ARPC1A: variants seen among roughly 807,000 people sequenced by gnomAD.
The protein encoded by ARPC1A is actin-related protein 2/3 complex subunit 1A.
A neutral mutation model predicts 46.9 loss-of-function variants in ARPC1A; 8 were observed. That is an observed-to-expected ratio of 0.17 (90% confidence interval 0.10 to 0.31). The LOEUF (loss-of-function observed/expected upper bound fraction) is 0.31. Among genes scored for constraint, ARPC1A ranks in the 10% least tolerant of loss-of-function variants. The probability of loss-of-function intolerance (pLI) is 1.00; values close to 1 mark genes in which losing one functional copy is unlikely to be tolerated. For synonymous variants in ARPC1A, 152 were observed against 169.0 expected, an observed-to-expected ratio of 0.90 and a Z score of 0.78; for missense variants, 286 against 483.6, an observed-to-expected ratio of 0.59 and a Z score of 3.83.
intron 1 of ARPC1A, among the ~76,000 whole-genome samples, chr7:99,328,292 C>T (rs1793084145): frequency 1.3e-5 from 2 of 152,130 alleles, no homozygotes; most frequent in South Asian, 2.1e-4. Context: ...TCGCTTGAAC[C>T]CGGGAGACGG....
chr7:99,349,216 A>G (rs1793510027), intron 5 of ARPC1A, among the ~76,000 whole-genome samples: 3 of 151,928 alleles, frequency 2.0e-5, no homozygotes. Flanking sequence ...ACACCTGGCT[A>G]ATTTTTTTAA....
intron 1 of ARPC1A, among the ~76,000 whole-genome samples, chr7:99,331,935 A>G (rs1412758582): frequency 6.6e-6 from 1 of 152,164 alleles, no homozygotes; most frequent in Non-Finnish European, 1.5e-5. Flanking sequence ...AAGAAATTAT[A>G]TTATAATCAA....
At chr7:99,352,140 C>A (rs763526277) in intron 5 of ARPC1A, among the ~76,000 whole-genome samples, 1 of 152,154 alleles carries the variant, frequency 6.6e-6, no homozygotes, top group Non-Finnish European at 1.5e-5. Flanking sequence ...TGCTCTCCCA[C>A]CATTGACTGC....
intron 9 of ARPC1A, 147 bp from the exon 10 acceptor site, chr7:99,365,744 T>A (rs560936713): frequency 1.2e-6 from 1 of 825,420 alleles, no homozygotes; most frequent in South Asian, 1.7e-5. Flanking sequence ...GCGGGGTGAG[T>A]CCTGGGAGAT....
intron 8 of ARPC1A, among the ~76,000 whole-genome samples, chr7:99,362,441 C>T (rs1226940596): frequency 2.0e-5 from 3 of 147,266 alleles, no homozygotes; most frequent in Non-Finnish European, 4.5e-5. Flanking sequence ...ACGCCCTTCT[C>T]CTGCCTCAGC....
At chr7:99,333,122 C>T (rs146157086) in intron 1 of ARPC1A, among the ~76,000 whole-genome samples, 107 of 152,302 alleles carry the variant, frequency 7.0e-4, no homozygotes, top group Middle Eastern at 3.4e-3. Flanking sequence ...GTCTTGAACT[C>T]CTGACCTTGT....
At chr7:99,344,856 T>C (rs563951967) in intron 4 of ARPC1A, among the ~76,000 whole-genome samples, 1 of 132,542 alleles carries the variant, frequency 7.5e-6, no homozygotes, top group African/African-American at 3.8e-5. Context: ...CCCTGAGGAA[T>C]ATTTTTTCTT....
intron 4 of ARPC1A, 148 bp downstream of exon 4, chr7:99,344,663 T>G: frequency 1.2e-6 from 1 of 831,264 alleles, no homozygotes; most frequent in Non-Finnish European, 1.8e-6. Flanking sequence ...GCATTTTCCC[T>G]TCTCATGTGC....
rs544638153 is a variant in ARPC1A, at chr7:99,362,012, G to A, written c.984-1531G>A. Among the ~76,000 whole-genome samples the A allele has an allele frequency of 1.6e-3, 248 of 152,162 alleles. 1 individual carries two copies. Among genetic ancestry groups the A allele is most frequent in the African/African-American group, 4.4e-3 (182 of 41,518 alleles). ...CCAGCTATTTAAAAACGTAAAAGCC[G>A]GGTCAGGTGCAGAGGCTCACGCCTG... On this transcript the variant is annotated intron_variant, in intron 8 of 9. Coordinates refer to ENST00000262942, the MANE Select transcript of ARPC1A (RefSeq NM_006409.4).
At chr7:99,358,052 G>A (rs931432807) in intron 6 of ARPC1A, among the ~76,000 whole-genome samples, 2 of 152,204 alleles carry the variant, frequency 1.3e-5, no homozygotes, top group African/African-American at 2.4e-5. Flanking sequence ...GATCATGGGG[G>A]TGATCCCTTT....
chr7:99,346,933 C>T (rs1248360913), intron 4 of ARPC1A, among the ~76,000 whole-genome samples: 2 of 152,136 alleles, frequency 1.3e-5, no homozygotes, highest in African/African-American at 4.8e-5. Flanking sequence ...GAGCCGAGAC[C>T]ATGCCACTGC....
chr7:99,356,284 T>A (rs1421811654), intron 6 of ARPC1A, among the ~76,000 whole-genome samples: 1 of 152,230 alleles, frequency 6.6e-6, no homozygotes, highest in Non-Finnish European at 1.5e-5. Context: ...GTGCATTTTT[T>A]AGCTAGTTTT....
chr7:99,359,130 C>T (rs932736894), intron 7 of ARPC1A, among the ~76,000 whole-genome samples: 5 of 150,976 alleles, frequency 3.3e-5, no homozygotes, highest in South Asian at 2.1e-4. Context: ...CGTGCCCGGC[C>T]GCTCACTTTT....
chr7:99,360,859 T>C (rs1329844034), intron 8 of ARPC1A, among the ~76,000 whole-genome samples: 1 of 148,106 alleles, frequency 6.8e-6, no homozygotes, highest in African/African-American at 2.5e-5. Context: ...GAGAATTGCT[T>C]GAACCGGGCA....
intron 6 of ARPC1A, among the ~76,000 whole-genome samples, chr7:99,356,153 C>T (rs915230568): frequency 4.6e-5 from 7 of 152,166 alleles, no homozygotes; most frequent in Admixed American, 4.6e-4. Context: ...GACATGGCCA[C>T]TTGGGTATCA....
intron 2 of ARPC1A, among the ~76,000 whole-genome samples, chr7:99,336,876 C>T (rs1210114654): frequency 6.6e-6 from 1 of 151,864 alleles, no homozygotes; most frequent in Non-Finnish European, 1.5e-5. Flanking sequence ...AATCCTAGTG[C>T]TTTGGGAGGC....
intron 8 of ARPC1A, among the ~76,000 whole-genome samples, chr7:99,362,319 T>G (rs1793757803): frequency 2.0e-5 from 3 of 146,486 alleles, no homozygotes; most frequent in South Asian, 2.2e-4. Context: ...AAAATAAAAA[T>G]GTAAAACCCC....
intron 1 of ARPC1A, among the ~76,000 whole-genome samples, chr7:99,332,754 ACC>A (rs879407564): frequency 0.037 from 5,575 of 151,568 alleles, 111 homozygotes; most frequent in Admixed American, 0.049. Context: ...GGCGCCCGCT[ACC>A]ATGCCCGGCT....
chr7:99,365,612 CT>C (rs1204525114), intron 9 of ARPC1A, among the ~76,000 whole-genome samples: 1 of 145,538 alleles, frequency 6.9e-6, no homozygotes, highest in East Asian at 2.3e-4. Context: ...AAGACCCTAT[CT>C]TTAAAAAAAA....
Sources: gnomAD v4.1 joint callset for allele counts (sites outside exome capture counted in the v4.1 genomes callset) on GRCh38, gnomAD v4.1.1 for gene constraint, MANE v1.5 for transcripts, NCBI Gene and HGNC (gene_info 2026-07-23, HGNC 2026-07-21) for gene names.